KMT2C: variants seen among roughly 807,000 people sequenced by gnomAD.
KMT2C encodes histone-lysine N-methyltransferase 2C.
Under a neutral mutation model 507.9 loss-of-function variants are expected in KMT2C, and 88 were observed. The ratio of observed to expected loss-of-function variants is 0.17; its 90% confidence interval spans 0.15 to 0.21. The LOEUF is 0.21. Ranked by LOEUF, KMT2C falls within the 10% of genes least tolerant of loss-of-function variation. The pLI is 1.00. For synonymous variants in KMT2C, 2,049 were observed against 2,080.8 expected, an observed-to-expected ratio of 0.98 and a Z score of 0.42; for missense variants, 4,954 against 5,957.8, an observed-to-expected ratio of 0.83 and a Z score of 5.55.
rs867167558 is a variant in KMT2C, at chr7:152,255,132, T to C, written c.1300-2417A>G. 1.5e-3 allele frequency among the ~76,000 whole-genome samples: 185 copies of C among 121,806 alleles called. 1 individual carries two copies. The highest frequency in any genetic ancestry group is 6.8e-3 in the African/African-American group (178 of 26,292). 79.9% of individuals were successfully genotyped at this position (121,806 alleles called of 152,430 possible). Reference sequence around the variant, plus strand: ...ACTTATATATATATATATATATATATATATATATATATACATATATATATA... The same window carrying C: ...ACTTATATATATATATATATATATACATATATATATATACATATATATATA... On this transcript the variant is annotated intron_variant, in intron 9 of 58. Coordinates refer to ENST00000262189, the MANE Select transcript of KMT2C (RefSeq NM_170606.3).
At chr7:152,388,667 T>C (rs2097457390) in intron 1 of KMT2C, among the ~76,000 whole-genome samples, 1 of 152,308 alleles carries the variant, frequency 6.6e-6, no homozygotes, top group Admixed American at 6.5e-5. Flanking sequence ...CCTGGGATTG[T>C]ATGGCGAAAA....
chr7:152,155,308 T>C (rs1038636350), intron 46 of KMT2C, among the ~76,000 whole-genome samples: 6 of 152,004 alleles, frequency 3.9e-5, no homozygotes, highest in Admixed American at 3.3e-4. Flanking sequence ...AAATAGAGGG[T>C]AGTGGGCAGA....
At chr7:152,149,192 C>T (rs755123629) in intron 51 of KMT2C, 40 bp from the exon 52 acceptor site, 6 of 1,444,062 alleles carry the variant, frequency 4.2e-6, no homozygotes, top group Non-Finnish European at 5.4e-6. Flanking sequence ...AAAAATAATT[C>T]ACAAGCCCGG....
intron 26 of KMT2C, among the ~76,000 whole-genome samples, chr7:152,199,769 T>C (rs926972872): frequency 6.6e-6 from 1 of 152,196 alleles, no homozygotes; most frequent in Non-Finnish European, 1.5e-5. Context: ...TTAATTTTTA[T>C]AGATTACTTG....
At chr7:152,192,724 T>C (rs2093839605) in intron 31 of KMT2C, among the ~76,000 whole-genome samples, 1 of 152,192 alleles carries the variant, frequency 6.6e-6, no homozygotes, top group African/African-American at 2.4e-5. Flanking sequence ...AATTTTCATG[T>C]ATATACAAAG....
At chr7:152,380,530 T>A (rs2097364742) in intron 1 of KMT2C, among the ~76,000 whole-genome samples, 1 of 150,042 alleles carries the variant, frequency 6.7e-6, no homozygotes, top group African/African-American at 2.5e-5. Context: ...ATCGCACCAT[T>A]GCACTCCAGC....
Position 152,152,897 on chromosome 7 carries a change from T to C in KMT2C, c.12334A>G (p.Ser4112Gly), listed in dbSNP as rs1290269784. ...TCTGGAGCACTGCTAACCTCATAGCTGTTAGGGATTCGGACGTGAAGAAGG... is the reference window on the plus strand; with the variant it reads ...TCTGGAGCACTGCTAACCTCATAGCCGTTAGGGATTCGGACGTGAAGAAGG... ...SDLLHVRIPN[S>G]YEVSSAPDVP... Residue 4112 changes from serine (S) to glycine (G), a missense_variant, in exon 49 of 59, where the codon AGC (serine) becomes GGC (glycine). Around this residue, in one of 29 missense-constraint regions of KMT2C, gnomAD observed 417 missense variants for 461.1 expected, o/e 0.90. Transcript: ENST00000262189. 6.2e-7 allele frequency: 1 copy of C among 1,614,184 alleles called. No homozygotes were observed. The highest frequency in any genetic ancestry group is 1.3e-5 in the African/African-American group (1 of 75,046).
intron 9 of KMT2C, among the ~76,000 whole-genome samples, chr7:152,260,298 C>G (rs888706761): frequency 2.6e-5 from 4 of 151,982 alleles, no homozygotes; most frequent in African/African-American, 9.7e-5. Flanking sequence ...TTACAAAGAG[C>G]AAATTAGAAA....
chr7:152,182,343 C>T lies in KMT2C; in HGVS notation c.5517G>A (p.Thr1839=), dbSNP rs375505060. The part of the protein sequence containing the change: ...LFTKQPPSTP[T]STSSDDVFVK... Reference sequence around the variant, plus strand: ...CAAACACATCATCTGAAGATGTAGACGTAGGGGTACTGGGTGGCTGTTTTG... The same window carrying T: ...CAAACACATCATCTGAAGATGTAGATGTAGGGGTACTGGGTGGCTGTTTTG... The change falls in exon 36 of 59, where the codon ACG becomes ACA. Residue 1839 remains threonine (T), a synonymous_variant. Transcript: ENST00000262189. The T allele has an allele frequency of 2.2e-5, 36 of 1,613,746 alleles. No individual in the cohort carries two copies. In the African/African-American group the frequency reaches 3.7e-4, roughly 17 times the overall value.
At chr7:152,267,098 T>C (rs569592194) in intron 7 of KMT2C, among the ~76,000 whole-genome samples, 1 of 152,386 alleles carries the variant, frequency 6.6e-6, no homozygotes, top group East Asian at 1.9e-4. Context: ...TTGGCTTTTG[T>C]ACCTATACAA....
chr7:152,157,089 T>C (rs964767469), intron 44 of KMT2C, among the ~76,000 whole-genome samples: 2 of 152,110 alleles, frequency 1.3e-5, no homozygotes, highest in Non-Finnish European at 2.9e-5. Context: ...TAAGATAGTT[T>C]TTTTTTTTTC....
chr7:152,186,744 A>G (rs2093638657), intron 33 of KMT2C, among the ~76,000 whole-genome samples: 1 of 152,182 alleles, frequency 6.6e-6, no homozygotes, highest in Admixed American at 6.5e-5. Context: ...AATAATTGAC[A>G]TTTCATTAAT....
At position 152,148,105 on chromosome 7, in the gene KMT2C, G is replaced by A. The variant is rs764910946; in HGVS notation, c.13822C>T (p.Arg4608Cys). The A allele has an allele frequency of 9.3e-6, 15 of 1,610,748 alleles. No homozygotes were observed. The highest frequency in any genetic ancestry group is 4.4e-5 in the South Asian group (4 of 91,000). Residue 4608 changes from arginine to cysteine, a missense_variant, in exon 52 of 59, where the codon CGC becomes TGC. Around this residue, in one of 29 missense-constraint regions of KMT2C, gnomAD observed 221 missense variants for 304.7 expected, o/e 0.73. Transcript: ENST00000262189. The surrounding 1 kb of genome is among the most constrained non-coding windows in gnomAD (Gnocchi z 7.1). ...YLCSIEEKDG[R>C]PVFVIRIVEQ... Reference sequence around the variant, plus strand: ...ACAATCCTGATGACAAACACTGGGCGCCCATCCTTCTCCTCAATGGAGCAC... The same window carrying A: ...ACAATCCTGATGACAAACACTGGGCACCCATCCTTCTCCTCAATGGAGCAC...
At chr7:152,232,472 G>A (rs2095148803) in intron 16 of KMT2C, among the ~76,000 whole-genome samples, 1 of 152,154 alleles carries the variant, frequency 6.6e-6, no homozygotes, top group Admixed American at 6.5e-5. Flanking sequence ...GTCATTATAT[G>A]TAGTCTATGG....
In KMT2C at chr7:152,226,218, C is replaced by CATTTT. The variant is rs1563479395; in HGVS notation, c.2977-1603_2977-1602insAAAAT. Among the ~76,000 whole-genome samples the CATTTT allele has an allele frequency of 3.4e-4, 43 of 127,992 alleles. 3 individuals carry two copies. The highest frequency in any genetic ancestry group is 1.3e-3 in the African/African-American group (39 of 30,980). 84.0% of individuals were successfully genotyped at this position (127,992 alleles called of 152,430 possible). On this transcript the variant is annotated intron_variant, in intron 18 of 58. Transcript: ENST00000262189. ...CAAGAGTTGGTTGTTCATTACAAGGCCTTTTTTTTTTTTTTTTTTTTTTTT... is the reference window on the plus strand; with the variant it reads ...CAAGAGTTGGTTGTTCATTACAAGGCATTTTCTTTTTTTTTTTTTTTTTTTTTTTT...
intron 6 of KMT2C, among the ~76,000 whole-genome samples, chr7:152,309,452 T>G (rs1399102653): frequency 1.3e-5 from 2 of 150,528 alleles, no homozygotes; most frequent in Admixed American, 1.3e-4. Context: ...GCACCCCAAG[T>G]TGCTGGGTCT....
In KMT2C at chr7:152,208,594, T is replaced by C. The variant is rs189454318; in HGVS notation, c.3713-1166A>G. Among the ~76,000 whole-genome samples, 67 of 152,328 alleles carry C rather than the reference T, an allele frequency of 4.4e-4. 1 individual carries two copies. Among genetic ancestry groups the C allele is most frequent in the Admixed American group, 1.9e-3 (29 of 15,294 alleles). On this transcript the variant is annotated intron_variant, in intron 23 of 58. Coordinates refer to ENST00000262189, the MANE Select transcript of KMT2C (RefSeq NM_170606.3). ...TGAGGTAAATGGAATGCTTAGAGAA[T>C]GCTATTTTAGAGAATGCTATTTTAA...
At chr7:152,227,186 G>A (rs577011080) in intron 18 of KMT2C, among the ~76,000 whole-genome samples, 1 of 152,264 alleles carries the variant, frequency 6.6e-6, no homozygotes, top group Admixed American at 6.5e-5. Context: ...TGTGTTTCTT[G>A]ACTTCTAGTA....
At chr7:152,146,774 G>T in intron 52 of KMT2C, 39 bp from the exon 53 acceptor site, 1 of 1,580,752 alleles carries the variant, frequency 6.3e-7, no homozygotes, top group Non-Finnish European at 8.7e-7. Context: ...TAGGAAATAG[G>T]ATACAGTATA....
Sources: allele counts gnomAD v4.1 joint callset (sites outside exome capture counted in the v4.1 genomes callset), GRCh38; gene constraint gnomAD v4.1.1; regional missense constraint gnomAD v4.1.1; non-coding constraint Gnocchi (gnomAD v3.1); transcripts MANE v1.5; gene names NCBI Gene and HGNC (gene_info 2026-07-23, HGNC 2026-07-21).